The following DMRT1 variants were observed in gnomAD, a reference collection of about 807,000 sequenced individuals.
The protein encoded by DMRT1 is doublesex- and mab-3-related transcription factor 1.
A neutral mutation model predicts 32.3 loss-of-function variants in DMRT1; 7 were observed. The ratio of observed to expected loss-of-function variants is 0.22; its 90% confidence interval spans 0.12 to 0.41. DMRT1 has a LOEUF of 0.41. Ranked by LOEUF, DMRT1 falls within the 10% of genes least tolerant of loss-of-function variation. The pLI is 1.00. For missense variants in DMRT1, 625 were observed against 500.5 expected (o/e 1.25, Z -2.37); for synonymous variants, 278 against 206.1 (o/e 1.35, Z -2.99).
At chr9:863,013 A>C (rs1280634654) in intron 2 of DMRT1, among the ~76,000 whole-genome samples, 1 of 152,020 alleles carries the variant, frequency 6.6e-6, no homozygotes, top group East Asian at 1.9e-4. Context: ...AATGGCATGA[A>C]TCCTTAAAAG....
chr9:871,995 C>T (rs1258003097), intron 2 of DMRT1, among the ~76,000 whole-genome samples: 1 of 151,348 alleles, frequency 6.6e-6, no homozygotes, highest in Non-Finnish European at 1.5e-5. Context: ...AAATAGGAAG[C>T]AGACTTTATA....
rs113363966 is a variant in DMRT1, at chr9:919,392, C to G, written c.967+2485C>G. Among the ~76,000 whole-genome samples the G allele has an allele frequency of 6.7e-3, 811 of 121,412 alleles. 8 individuals carry two copies. Among genetic ancestry groups the G allele is most frequent in the African/African-American group, 0.025 (758 of 30,498 alleles). 79.7% of individuals were successfully genotyped at this position (121,412 alleles called of 152,430 possible). A position where few individuals can be genotyped will look rare whatever the true frequency, so the allele number is the denominator to read the frequency against. ...TCCTCTGGGTTTGCTATAAAGCTGGCAACATGAAATAAATGGAATGTTGGG... is the reference window on the plus strand; with the variant it reads ...TCCTCTGGGTTTGCTATAAAGCTGGGAACATGAAATAAATGGAATGTTGGG... On this transcript the variant is annotated intron_variant, in intron 4 of 4. Transcript: ENST00000382276.
At chr9:900,192 G>A (rs1343736120) in intron 3 of DMRT1, among the ~76,000 whole-genome samples, 2 of 110,638 alleles carry the variant, frequency 1.8e-5, no homozygotes, top group African/African-American at 5.8e-5. Context: ...CCGCGTTCTG[G>A]CATCTGGAGC....
intron 4 of DMRT1, among the ~76,000 whole-genome samples, chr9:940,052 C>T (rs539925662): frequency 7.9e-5 from 12 of 152,066 alleles, no homozygotes; most frequent in Admixed American, 5.2e-4. Context: ...ATCAAAAAAA[C>T]GGAAAACAAC....
intron 2 of DMRT1, among the ~76,000 whole-genome samples, chr9:863,478 C>G (rs1815820298): frequency 6.6e-6 from 1 of 152,074 alleles, no homozygotes. Flanking sequence ...ACCCCTCAGC[C>G]AAAGAATATG....
At chr9:942,242 A>T (rs182991947) in intron 4 of DMRT1, among the ~76,000 whole-genome samples, 15 of 152,212 alleles carry the variant, frequency 9.9e-5, no homozygotes, top group Non-Finnish European at 1.9e-4. Flanking sequence ...AGTTTTGGCA[A>T]TGTGTCTTTC....
chr9:896,428 A>ACCACCACTCCT (rs1302603432), intron 3 of DMRT1, among the ~76,000 whole-genome samples: 1 of 150,770 alleles, frequency 6.6e-6, no homozygotes, highest in Non-Finnish European at 1.5e-5. Context: ...ATAGGCACGC[A>ACCACCACTCCT]CCACCACTCC....
At chr9:931,465 A>G (rs953227391) in intron 4 of DMRT1, among the ~76,000 whole-genome samples, 4 of 152,204 alleles carry the variant, frequency 2.6e-5, no homozygotes, top group Non-Finnish European at 4.4e-5. Context: ...TTGTGCTAAT[A>G]CTATTTCTAT....
chr9:885,905 G>C (rs1442301870), intron 2 of DMRT1, among the ~76,000 whole-genome samples: 1 of 152,174 alleles, frequency 6.6e-6, no homozygotes, highest in Non-Finnish European at 1.5e-5. Context: ...TGGAAAGAGT[G>C]CTGCTAGCTT....
At chr9:846,089 T>G (rs1838891892) in intron 1 of DMRT1, among the ~76,000 whole-genome samples, 1 of 150,326 alleles carries the variant, frequency 6.7e-6, no homozygotes, top group Non-Finnish European at 1.5e-5. Flanking sequence ...TGGAGTGCAG[T>G]GTCGCGATCT....
intron 4 of DMRT1, among the ~76,000 whole-genome samples, chr9:964,744 C>T (rs989127678): frequency 6.6e-6 from 1 of 152,152 alleles, no homozygotes; most frequent in Admixed American, 6.5e-5. Context: ...CTCAATTATT[C>T]TTCCTTTCTT....
At chr9:866,156 T>C (rs1589470180) in intron 2 of DMRT1, among the ~76,000 whole-genome samples, 1 of 77,318 alleles carries the variant, frequency 1.3e-5, no homozygotes, top group Non-Finnish European at 2.3e-5. Flanking sequence ...AGAGTGAGAG[T>C]CCATCTCAAA....
At chr9:940,925 G>A (rs973307682) in intron 4 of DMRT1, among the ~76,000 whole-genome samples, 5 of 152,270 alleles carry the variant, frequency 3.3e-5, no homozygotes, top group East Asian at 3.9e-4. Flanking sequence ...TGGCTAATAC[G>A]CATATGAAAG....
intron 2 of DMRT1, among the ~76,000 whole-genome samples, chr9:883,147 C>T (rs1264817235): frequency 1.3e-5 from 2 of 151,884 alleles, no homozygotes; most frequent in Non-Finnish European, 1.5e-5. Flanking sequence ...ATTGACGCTG[C>T]ACTCCCCTTT....
rs181859823 is a variant in DMRT1 at position 916,511 on chromosome 9, C to G, written c.823-252C>G. Among the ~76,000 whole-genome samples the G allele has an allele frequency of 1.1e-4, 16 of 152,270 alleles. No homozygotes were observed. The East Asian group carries it at 3.1e-3, about 29-fold the overall frequency. Reference sequence around the variant, plus strand: ...TCAGCCTCCTGAGTAGCTGAGATCTCACTCGTGCACTATCACACCCAAACA... The same window carrying G: ...TCAGCCTCCTGAGTAGCTGAGATCTGACTCGTGCACTATCACACCCAAACA... On this transcript the variant is annotated intron_variant, in intron 3 of 4. Coordinates refer to ENST00000382276, the MANE Select transcript of DMRT1 (RefSeq NM_021951.3).
intron 3 of DMRT1, among the ~76,000 whole-genome samples, chr9:901,876 C>T (rs1273311468): frequency 6.6e-6 from 1 of 150,814 alleles, no homozygotes; most frequent in East Asian, 1.9e-4. Flanking sequence ...CCCTCTCACC[C>T]CCATGGCCCA....
rs1161512823 is a variant in DMRT1 at position 965,184 on chromosome 9, C to G, written c.968-2801C>G. ...GTCACTAAGGAAAAACACACTAAAT[C>G]TTTTCACGTACCTAGAACTCTATGA... On this transcript the variant is annotated intron_variant, in intron 4 of 4. Transcript: ENST00000382276. The surrounding 1 kb of genome is among the most constrained non-coding windows in gnomAD (Gnocchi z 4.5). Among the ~76,000 whole-genome samples, 2 of 152,170 alleles carry G rather than the reference C, an allele frequency of 1.3e-5. No homozygotes were observed. Among genetic ancestry groups the G allele is most frequent in the Non-Finnish European group, 2.9e-5 (2 of 68,030 alleles).
chr9:851,072 C>A (rs542525190), intron 2 of DMRT1, among the ~76,000 whole-genome samples: 2 of 147,600 alleles, frequency 1.4e-5, no homozygotes, highest in Admixed American at 1.4e-4. Context: ...TGGAAGGCTA[C>A]GATTTGAAGT....
At chr9:930,545 G>A (rs371486974) in intron 4 of DMRT1, among the ~76,000 whole-genome samples, 126 of 152,042 alleles carry the variant, frequency 8.3e-4, no homozygotes, top group East Asian at 3.9e-3. Context: ...AGTAGCTGGG[G>A]CTACAGGCGC....
Sources: gnomAD v4.1 joint callset for allele counts (sites outside exome capture counted in the v4.1 genomes callset) on GRCh38, gnomAD v4.1.1 for gene constraint, Gnocchi (gnomAD v3.1) non-coding constraint, MANE v1.5 for transcripts, NCBI Gene and HGNC (gene_info 2026-07-23, HGNC 2026-07-21) for gene names.